Variants in ASTN1 observed in about 807,000 individuals in gnomAD.
ASTN1 encodes astrotactin 1, also known as astrotactin-1.
A neutral mutation model predicts 140.7 loss-of-function variants in ASTN1; 41 were observed. The observed-to-expected ratio is 0.29, with a 90% CI of 0.23 to 0.38. The LOEUF (loss-of-function observed/expected upper bound fraction) is 0.38, where lower values mean the gene tolerates loss of function less well. Among genes scored for constraint, ASTN1 ranks in the 10% least tolerant of loss-of-function variants. The pLI, the probability that ASTN1 is intolerant of heterozygous loss-of-function variation, is 1.00. For missense variants in ASTN1, 1,479 were observed against 1,678.8 expected (o/e 0.88, Z 2.08); for synonymous variants, 640 against 652.2 (o/e 0.98, Z 0.29).
intron 9 of ASTN1, among the ~76,000 whole-genome samples, chr1:176,961,826 T>C (rs957247232): frequency 6.6e-6 from 1 of 152,184 alleles, no homozygotes; most frequent in African/African-American, 2.4e-5. Context: ...AGAAGCTGGG[T>C]GAGCATCTAG....
chr1:176,978,042 T>C (rs1673441051), intron 8 of ASTN1, among the ~76,000 whole-genome samples: 1 of 152,184 alleles, frequency 6.6e-6, no homozygotes, highest in Non-Finnish European at 1.5e-5. Flanking sequence ...AGAGCTATTT[T>C]AGATAAGCTT....
At chr1:177,070,955 C>T (rs1038905067) in intron 1 of ASTN1, among the ~76,000 whole-genome samples, 1 of 152,182 alleles carries the variant, frequency 6.6e-6, no homozygotes, top group African/African-American at 2.4e-5. Context: ...GTCATTATTA[C>T]TATCACTCAC....
chr1:177,115,515 G>C lies in ASTN1; in HGVS notation c.283+48879C>G, dbSNP rs371491368. On this transcript the variant is annotated intron_variant, in intron 1 of 22. Coordinates refer to ENST00000361833, the MANE Select transcript of ASTN1 (RefSeq NM_004319.3). ...CTACTAAAAATACAAAAATTAGCCA[G>C]GTGTGCTAGTGCACGCCTATAATCA... 1.6e-4 allele frequency among the ~76,000 whole-genome samples: 25 copies of C among 152,084 alleles called. No homozygotes were observed. In the South Asian group the frequency reaches 5.0e-3, roughly 30 times the overall value.
chr1:177,107,260 T>G (rs935418812), intron 1 of ASTN1, among the ~76,000 whole-genome samples: 1 of 152,286 alleles, frequency 6.6e-6, no homozygotes, highest in Admixed American at 6.5e-5. Context: ...AGGTTAAGAC[T>G]GGCAGGTTCA....
chr1:176,884,341 G>A lies in ASTN1; in HGVS notation c.3224C>T (p.Thr1075Ile), dbSNP rs752963618. Reference protein sequence around the residue: ...TDRMDHSKVETETVLSFVDDI... With the variant: ...TDRMDHSKVEIETVLSFVDDI... ...CCCATGAAGTAGAAGGTGCTCACCT[G>A]TCTCCACTTTGGAGTGGTCCATCCT... is the stretch of plus-strand genomic sequence containing the variant. Residue 1075 changes from threonine (T) to isoleucine (I), a missense_variant and splice_region_variant, in exon 19 of 23, where the codon ACA (threonine) becomes ATA (isoleucine). Thr to Ile is a moderately conservative substitution (Grantham distance 89). This residue lies in a region of ASTN1 where 746 missense variants were observed against 800.9 expected (regional missense o/e 0.93). Transcript: ENST00000361833. 5.6e-6 allele frequency: 9 copies of A among 1,613,304 alleles called. No individual in the cohort carries two copies. The highest frequency in any genetic ancestry group is 7.6e-6 in the Non-Finnish European group (9 of 1,179,358).
intron 1 of ASTN1, among the ~76,000 whole-genome samples, chr1:177,085,148 T>C (rs1052329925): frequency 6.6e-6 from 1 of 152,218 alleles, no homozygotes; most frequent in Non-Finnish European, 1.5e-5. Context: ...TTATAAATAC[T>C]TGTCTCACTT....
chr1:176,885,757 C>G (rs1184578974), intron 18 of ASTN1, among the ~76,000 whole-genome samples: 3 of 152,088 alleles, frequency 2.0e-5, no homozygotes, highest in Non-Finnish European at 4.4e-5. Flanking sequence ...GTGCACAAGC[C>G]CATCCCAGTC....
chr1:177,149,163 TATATAGTAA>T (rs1682867128), intron 1 of ASTN1, among the ~76,000 whole-genome samples: 1 of 119,892 alleles, frequency 8.3e-6, no homozygotes, highest in East Asian at 2.4e-4. Flanking sequence ...ATATAGTGTA[TATATAGTAA>T]ATATATAGTG....
At chr1:176,915,736 C>T (rs1557956990) in intron 16 of ASTN1, among the ~76,000 whole-genome samples, 1 of 152,128 alleles carries the variant, frequency 6.6e-6, no homozygotes, top group Admixed American at 6.6e-5. Context: ...CTTCTTAATG[C>T]AGGCGGTGTG....
intron 2 of ASTN1, among the ~76,000 whole-genome samples, chr1:177,046,190 AGTG>A (rs1239168579): frequency 1.1e-4 from 16 of 152,326 alleles, no homozygotes; most frequent in African/African-American, 3.6e-4. Context: ...CTGAAGGCTC[AGTG>A]TTCCCCTGGC....
At chr1:177,074,789 C>A (rs1292267923) in intron 1 of ASTN1, among the ~76,000 whole-genome samples, 1 of 152,162 alleles carries the variant, frequency 6.6e-6, no homozygotes, top group Non-Finnish European at 1.5e-5. Flanking sequence ...GTGGTATTCT[C>A]AGTATTCATT....
chr1:177,156,663 A>G (rs985117737), intron 1 of ASTN1, among the ~76,000 whole-genome samples: 7 of 152,346 alleles, frequency 4.6e-5, no homozygotes, highest in African/African-American at 1.7e-4. Flanking sequence ...TCAGCCTTCA[A>G]GAAGGTGGAC....
At chr1:176,869,890 A>G (rs1668269818) in intron 21 of ASTN1, among the ~76,000 whole-genome samples, 1 of 152,174 alleles carries the variant, frequency 6.6e-6, no homozygotes, top group African/African-American at 2.4e-5. Flanking sequence ...GAGTGGCCTC[A>G]AGACTGTGGG....
rs181412396 is a variant in ASTN1, at chr1:176,944,165, C to A, written c.2250-147G>T. 3.6e-3 allele frequency: 3,931 copies of A among 1,082,476 alleles called. 220 individuals carry two copies. In the Admixed American group the frequency reaches 0.092, roughly 25 times the overall value. The allele number at this position is 1,082,476 out of a possible 1,614,324, so 67.1% of individuals were successfully genotyped here. On this transcript the variant is annotated intron_variant, in intron 13 of 22. Transcript: ENST00000361833. ...GGATCTCAGCTCACCGCAACCTCTG[C>A]CTCCAGGGTTCAAGCAATTCTCCTG...
intron 1 of ASTN1, among the ~76,000 whole-genome samples, chr1:177,159,441 G>A (rs2102264407): frequency 6.6e-6 from 1 of 152,306 alleles, no homozygotes; most frequent in East Asian, 1.9e-4. Flanking sequence ...ATATTTTAAA[G>A]TTTCCCCTCA....
chr1:176,863,487 G>A lies in ASTN1; in HGVS notation c.*797C>T, dbSNP rs115235726. 2,205 of 985,632 alleles carry A rather than the reference G, an allele frequency of 2.2e-3. 47 individuals are homozygous for A. In the African/African-American group the frequency reaches 0.036, roughly 16 times the overall value. 61.1% of individuals were successfully genotyped at this position (985,632 alleles called of 1,614,324 possible). A position where few individuals can be genotyped will look rare whatever the true frequency, so the allele number is the denominator to read the frequency against. On this transcript the variant is annotated 3_prime_UTR_variant, in exon 23 of 23. Coordinates refer to ENST00000361833, the MANE Select transcript of ASTN1 (RefSeq NM_004319.3). ...ATAAACTCCAAGTCTCCTCTTGAAT[G>A]TGGACTGCTAACTAGTCTCCCAGGT...
chr1:177,113,673 G>C (rs1402083622), intron 1 of ASTN1, among the ~76,000 whole-genome samples: 1 of 152,166 alleles, frequency 6.6e-6, no homozygotes, highest in Admixed American at 6.5e-5. Context: ...CAGAAGCTGG[G>C]CTGTGCCCAG....
At chr1:177,020,460 T>C (rs1455859618) in intron 7 of ASTN1, among the ~76,000 whole-genome samples, 2 of 152,206 alleles carry the variant, frequency 1.3e-5, no homozygotes, top group East Asian at 1.9e-4. Context: ...AAGTCTGTAA[T>C]GGCTGCTTGA....
chr1:177,020,553 C>A (rs1211603297), intron 7 of ASTN1, among the ~76,000 whole-genome samples: 1 of 152,180 alleles, frequency 6.6e-6, no homozygotes, highest in Non-Finnish European at 1.5e-5. Flanking sequence ...ACATTTTGAC[C>A]ACTCAGATAA....
Sources: gnomAD v4.1 joint callset for allele counts (sites outside exome capture counted in the v4.1 genomes callset) on GRCh38, gnomAD v4.1.1 for gene constraint, gnomAD v4.1.1 regional missense constraint, MANE v1.5 for transcripts, NCBI Gene and HGNC (gene_info 2026-07-23, HGNC 2026-07-21) for gene names.